The following HACE1 variants were observed in gnomAD, a reference collection of about 807,000 sequenced individuals.
HACE1 encodes the protein HECT domain and ankyrin repeat containing E3 ubiquitin protein ligase 1, also known as E3 ubiquitin-protein ligase HACE1.
A neutral mutation model predicts 118.4 loss-of-function variants in HACE1; 73 were observed. That is an observed-to-expected ratio of 0.62 (90% confidence interval 0.51 to 0.75). HACE1 has a LOEUF of 0.75. Among genes scored for constraint, HACE1 ranks in the 30% least tolerant of loss-of-function variants. The probability of loss-of-function intolerance (pLI) is 0.00; values close to 1 mark genes in which losing one functional copy is unlikely to be tolerated. For synonymous variants in HACE1, 368 were observed against 374.8 expected (o/e 0.98, Z 0.21); for missense variants, 749 against 1,102.2 (o/e 0.68, Z 4.54).
At chr6:104,792,570 T>C (rs1391750623) in intron 10 of HACE1, among the ~76,000 whole-genome samples, 2 of 151,888 alleles carry the variant, frequency 1.3e-5, no homozygotes, top group African/African-American at 4.8e-5. Context: ...AAGCAAAGAG[T>C]TGCATGAACT....
intron 20 of HACE1, among the ~76,000 whole-genome samples, chr6:104,748,391 A>G (rs1042560363): frequency 2.6e-5 from 4 of 152,204 alleles, no homozygotes; most frequent in Admixed American, 2.0e-4. Context: ...AAAGACCACT[A>G]CTGAATTACC....
At chr6:104,760,672 A>G (rs1016027588) in intron 19 of HACE1, among the ~76,000 whole-genome samples, 5 of 152,344 alleles carry the variant, frequency 3.3e-5, no homozygotes, top group South Asian at 2.1e-4. Flanking sequence ...CTCCTATTCA[A>G]CATAGTATTG....
intron 19 of HACE1, among the ~76,000 whole-genome samples, chr6:104,755,819 C>G (rs960606866): frequency 1.3e-5 from 2 of 152,114 alleles, no homozygotes; most frequent in Admixed American, 1.3e-4. Flanking sequence ...ATGCCCACAT[C>G]AAAAAGCTAG....
intron 4 of HACE1, among the ~76,000 whole-genome samples, chr6:104,848,198 G>C (rs1775848185): frequency 6.6e-6 from 1 of 151,122 alleles, no homozygotes; most frequent in Admixed American, 6.6e-5. Flanking sequence ...GCTCACGCCT[G>C]TAATCCCAGC....
intron 7 of HACE1, among the ~76,000 whole-genome samples, chr6:104,802,374 A>AC (rs1185388092): frequency 3.3e-5 from 5 of 152,184 alleles, no homozygotes; most frequent in Admixed American, 6.5e-5. Context: ...GACCTAATAG[A>AC]CATCTACAGA....
intron 10 of HACE1, 65 bp downstream of exon 10, chr6:104,795,514 T>C: frequency 1.1e-6 from 1 of 926,510 alleles, no homozygotes; most frequent in Non-Finnish European, 1.8e-6. Flanking sequence ...CAGAATAAAC[T>C]ACTCAGGAGG....
intron 5 of HACE1, among the ~76,000 whole-genome samples, chr6:104,835,092 G>A (rs568655069): frequency 6.6e-6 from 1 of 152,306 alleles, no homozygotes; most frequent in Admixed American, 6.5e-5. Context: ...CGGGCAGTTG[G>A]AAGAGTCTTC....
At chr6:104,776,975 C>T (rs1486525351) in intron 16 of HACE1, 38 bp downstream of exon 16, 4 of 1,376,156 alleles carry the variant, frequency 2.9e-6, no homozygotes, top group South Asian at 1.2e-5. Flanking sequence ...TCTTTCTTTA[C>T]ATACAGTGAT....
chr6:104,832,640 C>T (rs111964296), intron 6 of HACE1, among the ~76,000 whole-genome samples: 46 of 152,232 alleles, frequency 3.0e-4, no homozygotes, highest in African/African-American at 9.9e-4. Context: ...ATCCACCCAT[C>T]TCAGCCTCCC....
chr6:104,791,732 C>A lies in HACE1; in HGVS notation c.924-78G>T, dbSNP rs1783049260. On this transcript the variant is annotated intron_variant, in intron 10 of 23. Coordinates refer to ENST00000262903, the MANE Select transcript of HACE1 (RefSeq NM_020771.4). ...AATACTTATTTTAAAACATTTTCAT[C>A]CCACTGACCATCTGTTTCATATTAT... 2.1e-5 allele frequency: 19 copies of A among 907,896 alleles called. 2 individuals are homozygous for A. The South Asian group carries it at 2.6e-4, about 12-fold the overall frequency. The allele number at this position is 907,896 out of a possible 1,614,324, so 56.2% of individuals were successfully genotyped here.
At position 104,831,807 on chromosome 6, in the gene HACE1, G is replaced by C. The variant is rs965564352; in HGVS notation, c.534+1235C>G. Reference sequence around the variant, plus strand: ...ACTCGGGAGGCTGAGGCAGGAGAATGGCATGAACCCGGGAGGCGGAGCTTG... The same window carrying C: ...ACTCGGGAGGCTGAGGCAGGAGAATCGCATGAACCCGGGAGGCGGAGCTTG... On this transcript the variant is annotated intron_variant, in intron 6 of 23. Coordinates refer to ENST00000262903, the MANE Select transcript of HACE1 (RefSeq NM_020771.4). 2.2e-4 allele frequency among the ~76,000 whole-genome samples: 32 copies of C among 147,246 alleles called. No homozygotes were observed. The East Asian group carries it at 6.2e-3, about 29-fold the overall frequency.
intron 19 of HACE1, among the ~76,000 whole-genome samples, chr6:104,770,915 A>G (rs962196092): frequency 6.6e-6 from 1 of 152,222 alleles, no homozygotes; most frequent in Non-Finnish European, 1.5e-5. Context: ...TTATATTTCT[A>G]ATCAAATTTC....
At chr6:104,846,776 C>T (rs1263702952) in intron 4 of HACE1, among the ~76,000 whole-genome samples, 1 of 152,166 alleles carries the variant, frequency 6.6e-6, no homozygotes, top group Non-Finnish European at 1.5e-5. Flanking sequence ...TTTCTGAAAA[C>T]ATCAGCCACT....
At chr6:104,855,957 T>A (rs1488875982) in intron 1 of HACE1, among the ~76,000 whole-genome samples, 1 of 152,206 alleles carries the variant, frequency 6.6e-6, no homozygotes, top group Non-Finnish European at 1.5e-5. Context: ...AAGTCACATC[T>A]AACCTAAAGA....
intron 7 of HACE1, 73 bp from the exon 8 acceptor site, chr6:104,797,098 T>C (rs1769740027): frequency 3.6e-6 from 3 of 829,364 alleles, no homozygotes; most frequent in Non-Finnish European, 6.4e-6. Context: ...GGATAGTTAA[T>C]ATGAGTCAAT....
chr6:104,768,679 G>C (rs1043196050), intron 19 of HACE1, among the ~76,000 whole-genome samples: 9 of 151,920 alleles, frequency 5.9e-5, no homozygotes, highest in Non-Finnish European at 1.3e-4. Flanking sequence ...TAATAATCAA[G>C]ACCCTGCTAT....
chr6:104,742,910 C>T (rs1034183962), intron 22 of HACE1, among the ~76,000 whole-genome samples: 10 of 151,810 alleles, frequency 6.6e-5, no homozygotes, highest in Non-Finnish European at 1.5e-5. Context: ...TTGGAACCAA[C>T]CCAAATGTCC....
intron 22 of HACE1, among the ~76,000 whole-genome samples, chr6:104,734,045 G>T (rs774286036): frequency 6.6e-6 from 1 of 150,890 alleles, no homozygotes; most frequent in Non-Finnish European, 1.5e-5. Context: ...CCAGCGACTC[G>T]GGAGGGCTTA....
intron 19 of HACE1, among the ~76,000 whole-genome samples, chr6:104,750,838 C>T (rs117184555): frequency 6.6e-5 from 10 of 152,318 alleles, no homozygotes; most frequent in Non-Finnish European, 1.2e-4. Flanking sequence ...TGCCCCTGTA[C>T]TGATGCTTCT....
Sources: allele counts gnomAD v4.1 joint callset (sites outside exome capture counted in the v4.1 genomes callset), GRCh38; gene constraint gnomAD v4.1.1; transcripts MANE v1.5; gene names NCBI Gene and HGNC (gene_info 2026-07-23, HGNC 2026-07-21).